GOLGA2: variants seen among roughly 807,000 people sequenced by gnomAD.
GOLGA2 encodes the protein golgin A2.
Under a neutral mutation model 148.8 loss-of-function variants are expected in GOLGA2, and 49 were observed. That is an observed-to-expected ratio of 0.33 (90% CI 0.26 to 0.42). The LOEUF (loss-of-function observed/expected upper bound fraction) is 0.42, where lower values mean the gene tolerates loss of function less well. Among genes scored for constraint, GOLGA2 ranks in the 10% least tolerant of loss-of-function variants. GOLGA2 has a pLI of 1.00. For missense variants in GOLGA2, 1,178 were observed against 1,304.6 expected (o/e 0.90, Z 1.49); for synonymous variants, 501 against 511.8 (o/e 0.98, Z 0.28).
chr9:128,259,147 G>GCCCTCACCAACT lies in GOLGA2; in HGVS notation c.2097+8_2097+19dup, dbSNP rs1409001880. ...GCCAGGTTGTCCCCCTCGGGGCCCT[G>GCCCTCACCAACT]CCCTCACCAACTCCCTCACCTGGGT... is the stretch of plus-strand genomic sequence containing the variant. On this transcript the variant is annotated intron_variant, in intron 20 of 26. Coordinates refer to ENST00000611957, the MANE Select transcript of GOLGA2 (RefSeq NM_001366244.2). 3.7e-6 allele frequency: 6 copies of GCCCTCACCAACT among 1,600,740 alleles called. No homozygotes were observed. The South Asian group carries it at 6.7e-5, about 18-fold the overall frequency.
chr9:128,267,928 A>G lies in GOLGA2; in HGVS notation c.501+6T>C. The G allele has an allele frequency of 6.3e-7, 1 of 1,591,904 alleles. No homozygotes were observed. The highest frequency in any genetic ancestry group is 8.6e-7 in the Non-Finnish European group (1 of 1,160,274). ...ACCCCGCTCTCGGCCTCAGTTCCTGAGGTACCTCACAAACAAGACCATTGA... is the reference window on the plus strand; with the variant it reads ...ACCCCGCTCTCGGCCTCAGTTCCTGGGGTACCTCACAAACAAGACCATTGA... On this transcript the variant is annotated splice_donor_region_variant and intron_variant, in intron 6 of 26. Coordinates refer to ENST00000611957, the MANE Select transcript of GOLGA2 (RefSeq NM_001366244.2).
At position 128,266,274 on chromosome 9, in the gene GOLGA2, G is replaced by T. The variant is rs372567469; in HGVS notation, c.681+13C>A. On this transcript the variant is annotated intron_variant, in intron 9 of 26. Coordinates refer to ENST00000611957, the MANE Select transcript of GOLGA2 (RefSeq NM_001366244.2). This position sits in a 1 kb window ranked among gnomAD's most constrained non-coding sequence, Gnocchi z 4.2. ...AGCAGTCATGTTGTGAGCAAACAAA[G>T]AAATCACGTTACTTCTTCCAACTGA... 7.5e-6 allele frequency: 12 copies of T among 1,608,568 alleles called. No homozygotes were observed. Among genetic ancestry groups the T allele is most frequent in the Admixed American group, 1.7e-5 (1 of 60,014 alleles).
At chr9:128,268,803 C>G (rs1830758633) in intron 3 of GOLGA2, among the ~76,000 whole-genome samples, 1 of 152,216 alleles carries the variant, frequency 6.6e-6, no homozygotes, top group Non-Finnish European at 1.5e-5. Flanking sequence ...GCAGCAGGCT[C>G]TGACCTGTGG....
Position 128,266,462 on chromosome 9 carries a change from A to G in GOLGA2, c.643-137T>C. ...AGACCCAATGGGAACACGAACTGGT[A>G]AACTCTCCTCAGGCTCTCAAGGAAA... On this transcript the variant is annotated intron_variant, in intron 8 of 26. Coordinates refer to ENST00000611957, the MANE Select transcript of GOLGA2 (RefSeq NM_001366244.2). The surrounding 1 kb of genome is among the most constrained non-coding windows in gnomAD (Gnocchi z 4.2). The G allele has an allele frequency of 1.4e-6, 1 of 720,632 alleles. No homozygotes were observed. 44.6% of individuals were successfully genotyped at this position (720,632 alleles called of 1,614,324 possible).
At position 128,265,453 on chromosome 9, in the gene GOLGA2, C is replaced by T. The variant is rs542899608; in HGVS notation, c.933+132G>A. The T allele has an allele frequency of 8.1e-5, 63 of 775,008 alleles. No homozygotes were observed. In the African/African-American group the frequency reaches 9.7e-4, roughly 12 times the overall value. The allele number at this position is 775,008 out of a possible 1,614,324, so 48.0% of individuals were successfully genotyped here. A position where few individuals can be genotyped will look rare whatever the true frequency, so the allele number is the denominator to read the frequency against. On this transcript the variant is annotated intron_variant, in intron 12 of 26. Transcript: ENST00000611957. ...CCCCAGGATGCCTCTAGCAACCACA[C>T]ACAAAAGCAGTGATAAATGGCCCAT...
chr9:128,267,133 A>T, intron 8 of GOLGA2, 61 bp downstream of exon 8: 1 of 1,151,176 alleles, frequency 8.7e-7, no homozygotes. Context: ...TCAGGGTCCC[A>T]AGGGGAAACT....
chr9:128,267,931 T>TA lies in GOLGA2; in HGVS notation c.501+2dup. On this transcript the variant is annotated splice_region_variant and intron_variant, in intron 6 of 26. Transcript: ENST00000611957. ...CCGCTCTCGGCCTCAGTTCCTGAGGTACCTCACAAACAAGACCATTGAGCT... is the reference window on the plus strand; with the variant it reads ...CCGCTCTCGGCCTCAGTTCCTGAGGTAACCTCACAAACAAGACCATTGAGCT... 1 of 1,603,222 alleles carries TA rather than the reference T, an allele frequency of 6.2e-7. No homozygotes were observed. The highest frequency in any genetic ancestry group is 8.5e-7 in the Non-Finnish European group (1 of 1,170,644).
rs1296888088 is a variant in GOLGA2 at position 128,265,998 on chromosome 9, T to C, written c.704A>G (p.Lys235Arg). 1.2e-6 allele frequency: 2 copies of C among 1,613,586 alleles called. No individual in the cohort carries two copies. Among genetic ancestry groups the C allele is most frequent in the Non-Finnish European group, 1.7e-6 (2 of 1,179,480 alleles). The change falls in exon 10 of 27, where the codon AAG (lysine) becomes AGG (arginine). Residue 235 changes from lysine (K) to arginine (R), a missense_variant. Transcript: ENST00000611957. ...LEEEKKECHQ[K>R]QGALREQLQV... is the part of the protein sequence containing the mutation. Reference sequence around the variant, plus strand: ...TAACTGCTCCCTTAGGGCTCCCTGCTTTTGGTGGCATTCTTTCTTTTCCTA... The same window carrying C: ...TAACTGCTCCCTTAGGGCTCCCTGCCTTTGGTGGCATTCTTTCTTTTCCTA...
chr9:128,258,568 C>A lies in GOLGA2; in HGVS notation c.2176G>T (p.Asp726Tyr). 6.4e-7 allele frequency: 1 copy of A among 1,560,022 alleles called. No individual in the cohort carries two copies. Among genetic ancestry groups the A allele is most frequent in the Non-Finnish European group, 8.7e-7 (1 of 1,152,888 alleles). The change falls in exon 22 of 27, where the codon GAT (aspartate) becomes TAT (tyrosine). Residue 726 changes from aspartate (D) to tyrosine (Y), a missense_variant and splice_region_variant. Asp to Tyr is a radical substitution (Grantham distance 160). Around this residue, in one of 5 missense-constraint regions of GOLGA2, gnomAD observed 529 missense variants for 521.8 expected, o/e 1.01. Coordinates refer to ENST00000611957, the MANE Select transcript of GOLGA2 (RefSeq NM_001366244.2). This position sits in a 1 kb window ranked among gnomAD's most constrained non-coding sequence, Gnocchi z 6.6. ...TCCTCCTCCTCCCGGTCCAGTCCAT[C>A]TCCTATGGGGGTGGCCAGAGGGGTC... is the stretch of plus-strand genomic sequence containing the variant. ...LSLMAHPGEGDGLDREEEEDE... is the reference protein window; with the variant it reads ...LSLMAHPGEGYGLDREEEEDE...
chr9:128,267,310 A>AT (rs1172516672), intron 7 of GOLGA2, 36 bp from the exon 8 acceptor site: 1 of 1,472,876 alleles, frequency 6.8e-7, no homozygotes, highest in African/African-American at 1.4e-5. Context: ...TTGGAGGAGG[A>AT]TTGGGGGGAG....
chr9:128,262,070 G>A, intron 14 of GOLGA2: 1 of 341,370 alleles, frequency 2.9e-6, no homozygotes, highest in Non-Finnish European at 5.4e-6. Flanking sequence ...GCATGGTAGT[G>A]TGCGCCTGTA....
At chr9:128,264,128 G>A (rs1009524120) in intron 12 of GOLGA2, among the ~76,000 whole-genome samples, 3 of 151,056 alleles carry the variant, frequency 2.0e-5, no homozygotes, top group Non-Finnish European at 4.4e-5. Flanking sequence ...TGGTGCCACT[G>A]CACTCCAGCC....
rs2131365821 is a variant in GOLGA2, at chr9:128,266,198, G to A, written c.681+89C>T. 7.3e-7 allele frequency: 1 copy of A among 1,377,326 alleles called. No homozygotes were observed. The allele number at this position is 1,377,326 out of a possible 1,614,324, so 85.3% of individuals were successfully genotyped here. A position where few individuals can be genotyped will look rare whatever the true frequency, so the allele number is the denominator to read the frequency against. ...GGGTGAGCCTTCTTCCCCAGGCTGG[G>A]AGTGGGTGAGACGAGACTGAGGCCT... is the stretch of plus-strand genomic sequence containing the variant. On this transcript the variant is annotated intron_variant, in intron 9 of 26. Coordinates refer to ENST00000611957, the MANE Select transcript of GOLGA2 (RefSeq NM_001366244.2). This position sits in a 1 kb window ranked among gnomAD's most constrained non-coding sequence, Gnocchi z 4.2.
rs774105247 is a variant in GOLGA2, at chr9:128,257,700, G to A, written c.2619C>T (p.Tyr873=). Residue 873 remains tyrosine (Y), a synonymous_variant, in exon 25 of 27, where the codon TAC becomes TAT. Coordinates refer to ENST00000611957, the MANE Select transcript of GOLGA2 (RefSeq NM_001366244.2). This position sits in a 1 kb window ranked among gnomAD's most constrained non-coding sequence, Gnocchi z 8.0. Reference sequence around the variant, plus strand: ...CCCTCTGGCTCTGGTACAGTGCAATGTACTCTCCTGCGGGAGGACAGGGCT... The same window carrying A: ...CCCTCTGGCTCTGGTACAGTGCAATATACTCTCCTGCGGGAGGACAGGGCT... The part of the protein sequence containing the change: ...LSGETDTIGE[Y]IALYQSQRAV... The A allele has an allele frequency of 7.4e-6, 12 of 1,613,724 alleles. No individual in the cohort carries two copies. In the South Asian group the frequency reaches 1.1e-4, roughly 15 times the overall value.
rs1270348446 is a variant in GOLGA2, at chr9:128,268,515, C to T, written c.298G>A (p.Asp100Asn). ...PPLDKWKTPK[D>N]NAATLQPSDD... is the part of the protein sequence containing the mutation. ...GATGGTTGTAGAGTAGCAGCATTGT[C>T]CTTGGGTGTCTGTCACAGAACAGAG... The change falls in exon 4 of 27, where the codon GAC (aspartate) becomes AAC (asparagine). Residue 100 changes from aspartate (D) to asparagine (N), a missense_variant. By Grantham distance (23) the Asp-to-Asn change is conservative (BLOSUM62 1). Transcript: ENST00000611957. 3.1e-6 allele frequency: 5 copies of T among 1,602,494 alleles called. No individual in the cohort carries two copies. The highest frequency in any genetic ancestry group is 4.3e-6 in the Non-Finnish European group (5 of 1,171,072).
chr9:128,260,036 G>A lies in GOLGA2; in HGVS notation c.1872+40C>T. On this transcript the variant is annotated intron_variant, in intron 19 of 26. Transcript: ENST00000611957. This position sits in a 1 kb window ranked among gnomAD's most constrained non-coding sequence, Gnocchi z 4.8. ...TCACACCACCCCTCCCCAGAGGCTG[G>A]TGCCCGCCTCCCAGCCCTTCTTGGA... 1 of 1,430,258 alleles carries A rather than the reference G, an allele frequency of 7.0e-7. No individual in the cohort carries two copies. 88.6% of individuals were successfully genotyped at this position (1,430,258 alleles called of 1,614,324 possible).
In GOLGA2 at chr9:128,265,849, T is replaced by C. The variant is rs539360986; in HGVS notation, c.765A>G (p.Ser255=). 1.7e-5 allele frequency: 27 copies of C among 1,613,814 alleles called. No individual in the cohort carries two copies. The African/African-American group carries it at 3.2e-4, about 19-fold the overall frequency. The change falls in exon 11 of 27, where the codon TCA becomes TCG. Residue 255 remains serine (S), a synonymous_variant. Coordinates refer to ENST00000611957, the MANE Select transcript of GOLGA2 (RefSeq NM_001366244.2). ...GGGCTGTCTGTAACTCAGCTTTCTC[T>C]GATACGAGGATCCCTATGGTCTGAA... ...VHIQTIGILV[S]EKAELQTALA... is the part of the protein sequence containing the mutation.
chr9:128,265,229 G>A (rs148436793), intron 12 of GOLGA2, among the ~76,000 whole-genome samples: 1 of 151,956 alleles, frequency 6.6e-6, no homozygotes, highest in Non-Finnish European at 1.5e-5. Flanking sequence ...ACACACACAC[G>A]TTCCCTCTCT....
intron 1 of GOLGA2, chr9:128,275,610 G>C: frequency 2.3e-5 from 19 of 813,458 alleles, no homozygotes; most frequent in Non-Finnish European, 3.1e-5. Context: ...AGCCCAAAGA[G>C]CCCAGGGAGG....
Sources: allele counts gnomAD v4.1 joint callset (sites outside exome capture counted in the v4.1 genomes callset), GRCh38; gene constraint gnomAD v4.1.1; regional missense constraint gnomAD v4.1.1; non-coding constraint Gnocchi (gnomAD v3.1); transcripts MANE v1.5; gene names NCBI Gene and HGNC (gene_info 2026-07-23, HGNC 2026-07-21).